CCDC6: variants seen among roughly 807,000 people sequenced by gnomAD.
The protein encoded by CCDC6 is coiled-coil domain containing 6.
Under a neutral mutation model 56.6 loss-of-function variants are expected in CCDC6, and 20 were observed. The observed-to-expected ratio is 0.35, with a 90% CI of 0.25 to 0.51. The LOEUF (loss-of-function observed/expected upper bound fraction) is 0.51. CCDC6 is among the 20% of genes least tolerant of loss of function. The probability of loss-of-function intolerance (pLI) is 0.95; values close to 1 mark genes in which losing one functional copy is unlikely to be tolerated. For synonymous variants in CCDC6, 241 were observed against 234.4 expected, an observed-to-expected ratio of 1.03 and a Z score of -0.26; for missense variants, 367 against 601.1, an observed-to-expected ratio of 0.61 and a Z score of 4.07.
At chr10:59,857,556 A>G (rs2071090004) in intron 1 of CCDC6, among the ~76,000 whole-genome samples, 1 of 152,240 alleles carries the variant, frequency 6.6e-6, no homozygotes, top group Admixed American at 6.5e-5. Flanking sequence ...TAATCTATTA[A>G]GCATAAGAAA....
intron 5 of CCDC6, 86 bp downstream of exon 5, chr10:59,812,549 C>A: frequency 1.2e-6 from 1 of 826,058 alleles, no homozygotes; most frequent in Non-Finnish European, 1.8e-6. Context: ...GCAAATTCAA[C>A]AGTAATTAAA....
At position 59,791,462 on chromosome 10, in the gene CCDC6, AT is replaced by A. The variant is rs1419275648; in HGVS notation, c.*1454del. 4 of 196,330 alleles carry A rather than the reference AT, an allele frequency of 2.0e-5. No individual in the cohort carries two copies. The highest frequency in any genetic ancestry group is 4.2e-5 in the Non-Finnish European group (4 of 94,442). The allele number at this position is 196,330 out of a possible 1,614,324, so 12.2% of individuals were successfully genotyped here. A position where few individuals can be genotyped will look rare whatever the true frequency, so the allele number is the denominator to read the frequency against. ...AATATCTACAATGTCATGGTTCCTT[AT>A]TTTTAGGAGTGTGTTTAATAAAGAG... On this transcript the variant is annotated 3_prime_UTR_variant, in exon 9 of 9. Transcript: ENST00000263102.
intron 1 of CCDC6, among the ~76,000 whole-genome samples, chr10:59,875,391 A>G (rs150734354): frequency 8.7e-4 from 133 of 152,302 alleles, no homozygotes; most frequent in Middle Eastern, 3.4e-3. Context: ...ACCAGGAAAG[A>G]TTTGGGAGAG....
At chr10:59,895,116 A>G (rs1332224136) in intron 1 of CCDC6, among the ~76,000 whole-genome samples, 1 of 152,174 alleles carries the variant, frequency 6.6e-6, no homozygotes, top group Non-Finnish European at 1.5e-5. Context: ...AGCCTGGGCA[A>G]CATAGTAAGA....
At chr10:59,827,788 T>C (rs552873358) in intron 3 of CCDC6, among the ~76,000 whole-genome samples, 1 of 152,250 alleles carries the variant, frequency 6.6e-6, no homozygotes, top group East Asian at 1.9e-4. Flanking sequence ...CAGGGCCAAC[T>C]ACAGGAAGGA....
chr10:59,854,457 T>TTTA (rs2071064006), intron 1 of CCDC6, among the ~76,000 whole-genome samples: 2 of 152,210 alleles, frequency 1.3e-5, no homozygotes, highest in Non-Finnish European at 2.9e-5. Context: ...GTACTCACAT[T>TTTA]TTTAAAGCCA....
intron 7 of CCDC6, among the ~76,000 whole-genome samples, chr10:59,795,009 C>T (rs1252849253): frequency 6.6e-6 from 1 of 151,780 alleles, no homozygotes; most frequent in Non-Finnish European, 1.5e-5. Context: ...CTATAAAACT[C>T]TTAGAAGGAA....
intron 7 of CCDC6, among the ~76,000 whole-genome samples, chr10:59,803,375 A>G (rs1470932692): frequency 6.6e-6 from 1 of 151,184 alleles, no homozygotes; most frequent in African/African-American, 2.4e-5. Context: ...ATCCTGATGC[A>G]ACGCTGTTTT....
chr10:59,859,434 G>C (rs900135522), intron 1 of CCDC6, among the ~76,000 whole-genome samples: 5 of 151,978 alleles, frequency 3.3e-5, no homozygotes, highest in Non-Finnish European at 7.4e-5. Context: ...AAAACATTTA[G>C]AAAACAAAAT....
intron 1 of CCDC6, among the ~76,000 whole-genome samples, chr10:59,888,954 C>T (rs953180275): frequency 1.7e-4 from 26 of 152,134 alleles, no homozygotes; most frequent in East Asian, 7.8e-4. Context: ...AGCAGGGCCA[C>T]GAGATAAGGC....
chr10:59,791,234 T>C lies in CCDC6; in HGVS notation c.*1683A>G, dbSNP rs1296833759. 5.0e-6 allele frequency: 1 copy of C among 198,090 alleles called. No homozygotes were observed. Among genetic ancestry groups the C allele is most frequent in the Non-Finnish European group, 1.0e-5 (1 of 95,824 alleles). The allele number at this position is 198,090 out of a possible 1,614,324, so 12.3% of individuals were successfully genotyped here. On this transcript the variant is annotated 3_prime_UTR_variant, in exon 9 of 9. Coordinates refer to ENST00000263102, the MANE Select transcript of CCDC6 (RefSeq NM_005436.5). ...AAATAAAATTTATATAGACCTACAG[T>C]TTCTTCCAAACAATTGAGTGATGTT... is the stretch of plus-strand genomic sequence containing the variant.
chr10:59,814,492 G>A (rs904688016), intron 4 of CCDC6, among the ~76,000 whole-genome samples, 160 bp downstream of exon 4: 4 of 152,122 alleles, frequency 2.6e-5, no homozygotes, highest in African/African-American at 9.7e-5. Flanking sequence ...CATGGGAATA[G>A]TTCAGAAGGC....
At chr10:59,845,903 C>T (rs780522344) in intron 2 of CCDC6, among the ~76,000 whole-genome samples, 4 of 152,156 alleles carry the variant, frequency 2.6e-5, no homozygotes, top group Non-Finnish European at 4.4e-5. Flanking sequence ...ATAGTCTTGG[C>T]GCCTTTGAAA....
chr10:59,868,603 G>C (rs1308808183), intron 1 of CCDC6, among the ~76,000 whole-genome samples: 1 of 152,176 alleles, frequency 6.6e-6, no homozygotes, highest in Non-Finnish European at 1.5e-5. Context: ...ATAGGGGTTT[G>C]GCATGACAAC....
At chr10:59,863,469 A>G (rs2071151832) in intron 1 of CCDC6, among the ~76,000 whole-genome samples, 1 of 152,180 alleles carries the variant, frequency 6.6e-6, no homozygotes, top group South Asian at 2.1e-4. Context: ...AAGACCACAT[A>G]TTATATGACC....
intron 7 of CCDC6, among the ~76,000 whole-genome samples, chr10:59,794,986 A>G (rs1017059660): frequency 7.2e-5 from 11 of 152,160 alleles, no homozygotes; most frequent in African/African-American, 9.7e-5. Flanking sequence ...AGACTTAACT[A>G]TAAGACCTTA....
chr10:59,893,525 GAGCCC>G (rs1275569922), intron 1 of CCDC6, among the ~76,000 whole-genome samples: 1 of 152,136 alleles, frequency 6.6e-6, no homozygotes, highest in Non-Finnish European at 1.5e-5. Flanking sequence ...AGATCGCTTT[GAGCCC>G]AGGAGGCAGA....
chr10:59,884,202 T>C (rs1394148608), intron 1 of CCDC6, among the ~76,000 whole-genome samples: 1 of 152,074 alleles, frequency 6.6e-6, no homozygotes, highest in South Asian at 2.1e-4. Context: ...GTAAGTAACA[T>C]GGCAATTTGT....
chr10:59,859,197 TGC>T (rs1331797034), intron 1 of CCDC6, among the ~76,000 whole-genome samples: 69 of 111,584 alleles, frequency 6.2e-4, no homozygotes, highest in African/African-American at 1.1e-3. Flanking sequence ...TACATGTGTG[TGC>T]GTGTGTGTGT....
Sources: allele counts gnomAD v4.1 joint callset (sites outside exome capture counted in the v4.1 genomes callset), GRCh38; gene constraint gnomAD v4.1.1; transcripts MANE v1.5; gene names NCBI Gene and HGNC (gene_info 2026-07-23, HGNC 2026-07-21).